DIP2C: variants seen among roughly 807,000 people sequenced by gnomAD.
The protein encoded by DIP2C is disco-interacting protein 2 homolog C.
Under a neutral mutation model 192.4 loss-of-function variants are expected in DIP2C, and 33 were observed. The ratio of observed to expected loss-of-function variants is 0.17; its 90% CI spans 0.13 to 0.23. The LOEUF (loss-of-function observed/expected upper bound fraction) is 0.23. Ranked by LOEUF, DIP2C falls within the 10% of genes least tolerant of loss-of-function variation. DIP2C has a pLI of 1.00. For synonymous variants in DIP2C, 979 were observed against 864.1 expected (o/e 1.13, Z -2.33); for missense variants, 1,537 against 2,110.1 (o/e 0.73, Z 5.32).
chr10:603,517 T>G (rs570172384), intron 1 of DIP2C, among the ~76,000 whole-genome samples: 1 of 152,218 alleles, frequency 6.6e-6, no homozygotes, highest in South Asian at 2.1e-4. Flanking sequence ...ATATCAGGTA[T>G]ACCTGGAACA....
Position 388,646 on chromosome 10 carries a change from C to T in DIP2C, c.1598-837G>A, listed in dbSNP as rs150012633. Among the ~76,000 whole-genome samples the T allele has an allele frequency of 8.8e-3, 1,338 of 152,336 alleles. 13 individuals carry two copies. The highest frequency in any genetic ancestry group is 0.019 in the Admixed American group (289 of 15,306). On this transcript the variant is annotated intron_variant, in intron 13 of 36. Transcript: ENST00000280886. Reference sequence around the variant, plus strand: ...GGAGGCGCAGGGGGCAGTGCGTCCCCAGGTGTGAAAACTCCATGGCCAAAC... The same window carrying T: ...GGAGGCGCAGGGGGCAGTGCGTCCCTAGGTGTGAAAACTCCATGGCCAAAC...
chr10:460,182 G>A (rs901595123), intron 3 of DIP2C, among the ~76,000 whole-genome samples: 1 of 152,186 alleles, frequency 6.6e-6, no homozygotes, highest in African/African-American at 2.4e-5. Flanking sequence ...TCCCAGTCTT[G>A]GGTGGAATGG....
chr10:324,483 G>A (rs1200183011), intron 31 of DIP2C, among the ~76,000 whole-genome samples: 1 of 152,184 alleles, frequency 6.6e-6, no homozygotes, highest in Non-Finnish European at 1.5e-5. Context: ...TCTCTCTGCT[G>A]GTAGACACTT....
chr10:286,492 A>T, intron 33 of DIP2C, 145 bp from the exon 34 acceptor site: 1 of 680,058 alleles, frequency 1.5e-6, no homozygotes, highest in Non-Finnish European at 2.6e-6. Context: ...CCACATAGTT[A>T]TGACCCATTA....
chr10:347,246 C>T (rs1958520357), intron 26 of DIP2C, among the ~76,000 whole-genome samples: 1 of 130,300 alleles, frequency 7.7e-6, no homozygotes. Context: ...CTCCCGGAAA[C>T]CCCACACGCA....
chr10:604,439 T>A (rs1228708360), intron 1 of DIP2C, among the ~76,000 whole-genome samples: 3 of 152,216 alleles, frequency 2.0e-5, no homozygotes, highest in African/African-American at 7.2e-5. Flanking sequence ...AGAATCAATG[T>A]AACTCAACAT....
intron 4 of DIP2C, among the ~76,000 whole-genome samples, chr10:436,741 T>C (rs61837195): frequency 0.016 from 1,519 of 95,226 alleles, 129 homozygotes; most frequent in African/African-American, 0.09. Context: ...TGAGCTCTGC[T>C]TCCTGGACAT....
At position 363,463 on chromosome 10, in the gene DIP2C, T is replaced by C; in HGVS notation, c.2478-152A>G. 1.5e-6 allele frequency: 1 copy of C among 675,902 alleles called. No homozygotes were observed. Among genetic ancestry groups the C allele is most frequent in the Middle Eastern group, 2.5e-4 (1 of 3,950 alleles). The allele number at this position is 675,902 out of a possible 1,614,324, so 41.9% of individuals were successfully genotyped here. A position where few individuals can be genotyped will look rare whatever the true frequency, so the allele number is the denominator to read the frequency against. On this transcript the variant is annotated intron_variant, in intron 20 of 36. Coordinates refer to ENST00000280886, the MANE Select transcript of DIP2C (RefSeq NM_014974.3). This position sits in a 1 kb window ranked among gnomAD's most constrained non-coding sequence, Gnocchi z 5.4. ...GCTGTACTTCCGAATTTCCCCACAC[T>C]CATCAGTACGGGAAGAACTGTGGGA...
intron 1 of DIP2C, among the ~76,000 whole-genome samples, chr10:550,679 A>C (rs1848537117): frequency 6.6e-6 from 1 of 152,134 alleles, no homozygotes; most frequent in Admixed American, 6.5e-5. Context: ...GCCTCCTGTA[A>C]AATCAGGTGG....
chr10:345,283 G>A lies in DIP2C; in HGVS notation c.3232-173C>T, dbSNP rs911011870. 18 of 723,124 alleles carry A rather than the reference G, an allele frequency of 2.5e-5. No homozygotes were observed. The African/African-American group carries it at 3.0e-4, about 12-fold the overall frequency. 44.8% of individuals were successfully genotyped at this position (723,124 alleles called of 1,614,324 possible). A position where few individuals can be genotyped will look rare whatever the true frequency, so the allele number is the denominator to read the frequency against. ...GTAGGACAGAGCTAGGAGTCTAGTT[G>A]TGGAGGCACGGGGGCAGGGCATGCG... On this transcript the variant is annotated intron_variant, in intron 26 of 36. Coordinates refer to ENST00000280886, the MANE Select transcript of DIP2C (RefSeq NM_014974.3).
At chr10:306,656 C>G (rs569765569) in intron 32 of DIP2C, among the ~76,000 whole-genome samples, 2 of 152,216 alleles carry the variant, frequency 1.3e-5, no homozygotes, top group Non-Finnish European at 2.9e-5. Context: ...TAGTGGCTCT[C>G]ATTTCACTGC....
chr10:430,672 A>G (rs966368166), intron 4 of DIP2C, among the ~76,000 whole-genome samples: 83 of 152,340 alleles, frequency 5.4e-4, no homozygotes, highest in African/African-American at 2.0e-3. Flanking sequence ...GAACATGTTC[A>G]TTTTTATTGG....
chr10:532,938 A>C (rs1014980923), intron 1 of DIP2C, among the ~76,000 whole-genome samples: 1 of 152,098 alleles, frequency 6.6e-6, no homozygotes, highest in African/African-American at 2.4e-5. Flanking sequence ...CCGCACGTGC[A>C]CACCACCACT....
intron 1 of DIP2C, among the ~76,000 whole-genome samples, chr10:559,987 C>T (rs1210911991): frequency 7.1e-6 from 1 of 141,834 alleles, no homozygotes; most frequent in Non-Finnish European, 1.6e-5. Context: ...TCCTGTTCTC[C>T]TCTCCCCCCG....
intron 1 of DIP2C, among the ~76,000 whole-genome samples, chr10:514,340 G>A (rs924011302): frequency 4.6e-5 from 7 of 152,210 alleles, no homozygotes; most frequent in African/African-American, 1.7e-4. Flanking sequence ...GAACTGAGCA[G>A]AACAAATGCC....
chr10:490,116 C>T (rs1251861455), intron 1 of DIP2C, among the ~76,000 whole-genome samples: 9 of 79,704 alleles, frequency 1.1e-4, no homozygotes, highest in African/African-American at 4.1e-4. Context: ...GTGCCTGGTC[C>T]TTCCTCCATT....
chr10:538,644 T>C (rs1210412570), intron 1 of DIP2C, among the ~76,000 whole-genome samples: 1 of 152,212 alleles, frequency 6.6e-6, no homozygotes, highest in Non-Finnish European at 1.5e-5. Flanking sequence ...TGGGTTTTTG[T>C]TGTTGTTCTC....
At chr10:553,234 A>G (rs977434532) in intron 1 of DIP2C, among the ~76,000 whole-genome samples, 6 of 152,208 alleles carry the variant, frequency 3.9e-5, no homozygotes, top group African/African-American at 1.4e-4. Context: ...CTTGCTGTGC[A>G]AGCCCAGCAG....
rs141755065 is a variant in DIP2C at position 591,113 on chromosome 10, T to C, written c.85+98381A>G. Among the ~76,000 whole-genome samples the C allele has an allele frequency of 2.5e-3, 373 of 151,384 alleles. 2 individuals are homozygous for C. The highest frequency in any genetic ancestry group is 8.6e-3 in the African/African-American group (350 of 40,700). ...TCACAGATAACAGTCAGGTTTCCAT[T>C]ACTGGTTTTTTTTGTTTTGTTTTTT... On this transcript the variant is annotated intron_variant, in intron 1 of 36. Transcript: ENST00000280886.
Sources: gnomAD v4.1 joint callset for allele counts (sites outside exome capture counted in the v4.1 genomes callset) on GRCh38, gnomAD v4.1.1 for gene constraint, Gnocchi (gnomAD v3.1) non-coding constraint, MANE v1.5 for transcripts, NCBI Gene and HGNC (gene_info 2026-07-23, HGNC 2026-07-21) for gene names.